LINGO2: variants seen among roughly 807,000 people sequenced by gnomAD.
LINGO2 encodes leucine rich repeat and Ig domain containing 2.
In LINGO2, 14 loss-of-function variants were observed where a neutral mutation model predicts 30.6. That is an observed-to-expected ratio of 0.46 (90% CI 0.30 to 0.72). LINGO2 has a LOEUF of 0.72. LINGO2 is among the 30% of genes least tolerant of loss of function. The pLI is 0.07. For missense variants in LINGO2, 729 were observed against 751.7 expected, an observed-to-expected ratio of 0.97 and a Z score of 0.35; for synonymous variants, 317 against 288.5, an observed-to-expected ratio of 1.10 and a Z score of -1.00.
At chr9:28,353,323 C>T (rs1819995820) in intron 3 of LINGO2, among the ~76,000 whole-genome samples, 2 of 149,772 alleles carry the variant, frequency 1.3e-5, no homozygotes, top group Admixed American at 6.7e-5. Context: ...ACAAACAACC[C>T]CATCCAAAAG....
intron 1 of LINGO2, among the ~76,000 whole-genome samples, chr9:28,514,847 T>A (rs1354517549): frequency 6.6e-6 from 1 of 152,162 alleles, no homozygotes; most frequent in African/African-American, 2.4e-5. Context: ...AGCTGTTGAC[T>A]TTAAGTTTAA....
the LINGO2 span, among the ~76,000 whole-genome samples, chr9:28,717,361 A>G: frequency 6.7e-6 from 1 of 149,822 alleles, no homozygotes; most frequent in Non-Finnish European, 1.5e-5. Flanking sequence ...AAAAAAAAAG[A>G]TGAAGGGGGG....
chr9:28,906,037 C>G, the LINGO2 span, among the ~76,000 whole-genome samples: 1 of 151,984 alleles, frequency 6.6e-6, no homozygotes, highest in East Asian at 1.9e-4. Flanking sequence ...AGTATGTTAA[C>G]TGAAATGAGT....
chr9:28,177,732 A>T (rs1043819519), intron 4 of LINGO2, among the ~76,000 whole-genome samples: 3 of 152,210 alleles, frequency 2.0e-5, no homozygotes, highest in Non-Finnish European at 4.4e-5. Flanking sequence ...AGAACTCCAG[A>T]GACCAGGCAT....
At chr9:28,520,708 C>G (rs548698381) in intron 1 of LINGO2, among the ~76,000 whole-genome samples, 18 of 152,164 alleles carry the variant, frequency 1.2e-4, no homozygotes, top group Non-Finnish European at 2.2e-4. Context: ...TTGCATTCCA[C>G]CAATGCTCAA....
chr9:28,502,471 A>T (rs1819930899), intron 1 of LINGO2, among the ~76,000 whole-genome samples: 1 of 152,126 alleles, frequency 6.6e-6, no homozygotes, highest in Non-Finnish European at 1.5e-5. Flanking sequence ...GTTCACTCGT[A>T]CATTTCTGAG....
the LINGO2 span, among the ~76,000 whole-genome samples, chr9:28,822,080 G>A: frequency 6.6e-6 from 1 of 152,078 alleles, no homozygotes; most frequent in East Asian, 1.9e-4. Context: ...ACTCATAGGT[G>A]GCCGAACTCT....
rs1825029600 is a variant in LINGO2, at chr9:28,321,206, A to G, written c.-245-25840T>C. ...TATGTTTCTCCATAACTATCTTGAG[A>G]AAATACCCAAACAAATTACCTACTG... On this transcript the variant is annotated intron_variant, in intron 3 of 5. Coordinates refer to ENST00000379992, the Ensembl canonical transcript of LINGO2. Among the ~76,000 whole-genome samples, 4 of 152,288 alleles carry G rather than the reference A, an allele frequency of 2.6e-5. No individual in the cohort carries two copies. In the South Asian group the frequency reaches 8.3e-4, roughly 32 times the overall value.
the LINGO2 span, among the ~76,000 whole-genome samples, chr9:29,002,143 GC>G: frequency 2.0e-5 from 3 of 151,926 alleles, no homozygotes; most frequent in Non-Finnish European, 2.9e-5. Flanking sequence ...AGTCCCCATT[GC>G]TTTTTCTGTC....
chr9:28,011,095 G>A (rs10968276), intron 5 of LINGO2, among the ~76,000 whole-genome samples: 106,996 of 152,132 alleles, frequency 0.7, 38,554 homozygotes, highest in East Asian at 0.82. Flanking sequence ...GTGACATTAC[G>A]TCAGTCAACT....
rs1007987466 is a variant in LINGO2, at chr9:28,661,164, T to C, written c.-365+9036A>G. 2.6e-5 allele frequency among the ~76,000 whole-genome samples: 4 copies of C among 151,430 alleles called. No homozygotes were observed. The Admixed American group carries it at 2.6e-4, about 10-fold the overall frequency. On this transcript the variant is annotated intron_variant, in intron 1 of 5. Transcript: ENST00000379992. ...CAGAAAAATATATATATATATATGC[T>C]GGGTCAGTTCTGAGCACTGGTCTCA...
chr9:28,088,904 G>A (rs1434802882), intron 4 of LINGO2, among the ~76,000 whole-genome samples: 3 of 151,920 alleles, frequency 2.0e-5, no homozygotes, highest in African/African-American at 7.3e-5. Context: ...AAAAAGGAAG[G>A]GGTTCCAATC....
the LINGO2 span, among the ~76,000 whole-genome samples, chr9:29,127,785 T>C: frequency 6.6e-6 from 1 of 152,258 alleles, no homozygotes; most frequent in East Asian, 1.9e-4. Flanking sequence ...TTCCTGGTTA[T>C]AGTCCCTGAT....
At chr9:28,574,632 A>T (rs766667372) in intron 1 of LINGO2, among the ~76,000 whole-genome samples, 2 of 151,996 alleles carry the variant, frequency 1.3e-5, no homozygotes, top group Non-Finnish European at 2.9e-5. Flanking sequence ...CATTATTATT[A>T]TTTTTTTCAG....
chr9:29,086,686 A>T, the LINGO2 span, among the ~76,000 whole-genome samples: 1 of 152,196 alleles, frequency 6.6e-6, no homozygotes, highest in African/African-American at 2.4e-5. Flanking sequence ...TCCTTGCAGT[A>T]TTCATTAATG....
chr9:28,951,075 A>T, the LINGO2 span, among the ~76,000 whole-genome samples: 1 of 152,182 alleles, frequency 6.6e-6, no homozygotes, highest in Admixed American at 6.5e-5. Context: ...CAGAGACCTC[A>T]GAAATAATGC....
rs193002158 is a variant in LINGO2 at position 28,019,091 on chromosome 9, T to A, written c.-86-6686A>T. ...CCAAACATTGAGTACACATGGGCACTAAGAAGGGAAAAACAGACACTGAGG... is the reference window on the plus strand; with the variant it reads ...CCAAACATTGAGTACACATGGGCACAAAGAAGGGAAAAACAGACACTGAGG... On this transcript the variant is annotated intron_variant, in intron 4 of 5. Coordinates refer to ENST00000379992, the Ensembl canonical transcript of LINGO2. Among the ~76,000 whole-genome samples the A allele has an allele frequency of 2.6e-5, 4 of 152,046 alleles. No individual in the cohort carries two copies. In the East Asian group the frequency reaches 7.8e-4, roughly 29 times the overall value.
At chr9:28,930,263 A>T in the LINGO2 span, among the ~76,000 whole-genome samples, 2 of 152,028 alleles carry the variant, frequency 1.3e-5, no homozygotes, top group Non-Finnish European at 2.9e-5. This position sits in a 1 kb window ranked among gnomAD's most constrained non-coding sequence, Gnocchi z 4.2. Context: ...TTTGGCTTAG[A>T]CCTCCACTCT....
intron 2 of LINGO2, among the ~76,000 whole-genome samples, chr9:28,402,421 TAAG>T (rs1335522212): frequency 2.6e-5 from 4 of 151,920 alleles, no homozygotes; most frequent in African/African-American, 9.7e-5. Flanking sequence ...GATTAGAAAA[TAAG>T]AAATCATCAT....
Sources: allele counts gnomAD v4.1 joint callset (sites outside exome capture counted in the v4.1 genomes callset), GRCh38; gene constraint gnomAD v4.1.1; non-coding constraint Gnocchi (gnomAD v3.1); transcripts MANE v1.5; gene names NCBI Gene and HGNC (gene_info 2026-07-23, HGNC 2026-07-21).